Variants in RBMS3 observed in about 807,000 individuals in gnomAD.
RBMS3 encodes the protein RNA binding motif single stranded interacting protein 3, also known as RNA-binding motif, single-stranded-interacting protein 3.
In RBMS3, 27 loss-of-function variants were observed where a neutral mutation model predicts 66.8. The ratio of observed to expected loss-of-function variants is 0.40; its 90% CI spans 0.30 to 0.56. RBMS3 has a LOEUF of 0.56. Among genes scored for constraint, RBMS3 ranks in the 20% least tolerant of loss-of-function variants. The pLI, the probability that RBMS3 is intolerant of heterozygous loss-of-function variation, is 0.40. For missense variants in RBMS3, 513 were observed against 549.5 expected (o/e 0.93, Z 0.66); for synonymous variants, 188 against 183.0 (o/e 1.03, Z -0.22).
chr3:29,814,663 G>A (rs570330472), intron 6 of RBMS3, among the ~76,000 whole-genome samples: 223 of 152,286 alleles, frequency 1.5e-3, no homozygotes, highest in Admixed American at 2.7e-3. Context: ...TTCAGCTCCT[G>A]TTATTGGTCT....
At chr3:29,850,211 A>G (rs563759681) in intron 6 of RBMS3, among the ~76,000 whole-genome samples, 4 of 152,252 alleles carry the variant, frequency 2.6e-5, no homozygotes, top group Admixed American at 1.3e-4. Flanking sequence ...CAGAGAGAAA[A>G]GAGCTTATTA....
intron 5 of RBMS3, among the ~76,000 whole-genome samples, chr3:29,759,105 G>A (rs911719768): frequency 3.3e-5 from 5 of 152,080 alleles, no homozygotes; most frequent in African/African-American, 1.2e-4. Context: ...TGCATGTTAA[G>A]TCTGACCCAG....
intron 8 of RBMS3, among the ~76,000 whole-genome samples, chr3:29,884,933 T>C (rs974832355): frequency 2.6e-5 from 4 of 151,958 alleles, no homozygotes; most frequent in Non-Finnish European, 5.9e-5. Context: ...AGGCTTTCAG[T>C]TGTCTGTCTT....
chr3:29,809,335 TG>T lies in RBMS3; in HGVS notation c.637+46349del, dbSNP rs111676365. ...TTTTCATTGACAGCACTATGATCAG[TG>T]GGAAAAAAAAAAAAAGATCCTGTTA... On this transcript the variant is annotated intron_variant, in intron 6 of 14. Coordinates refer to ENST00000383767, the MANE Select transcript of RBMS3 (RefSeq NM_001003793.3). Among the ~76,000 whole-genome samples the T allele has an allele frequency of 7.1e-4, 77 of 108,706 alleles. 1 individual carries two copies. Among genetic ancestry groups the T allele is most frequent in the African/African-American group, 2.2e-3 (57 of 26,486 alleles). The allele number at this position is 108,706 out of a possible 152,430, so 71.3% of individuals were successfully genotyped here.
intron 14 of RBMS3, among the ~76,000 whole-genome samples, chr3:29,998,025 A>G (rs1299526208): frequency 7.9e-5 from 12 of 152,176 alleles, no homozygotes; most frequent in South Asian, 2.1e-4. Context: ...AAACCCCATC[A>G]TCTCAGCCCC....
intron 4 of RBMS3, chr3:29,698,700 C>A: frequency 1.4e-6 from 1 of 714,430 alleles, no homozygotes; most frequent in Non-Finnish European, 1.7e-6. Flanking sequence ...TGGAAAGACT[C>A]TGTGTGGACT....
chr3:29,981,161 T>C (rs1297118767), intron 12 of RBMS3, among the ~76,000 whole-genome samples: 1 of 152,172 alleles, frequency 6.6e-6, no homozygotes, highest in Non-Finnish European at 1.5e-5. Context: ...CCCTTGTCAG[T>C]TGTATTCCTA....
intron 6 of RBMS3, among the ~76,000 whole-genome samples, chr3:29,830,229 A>T (rs2058336009): frequency 6.6e-6 from 1 of 152,082 alleles, no homozygotes. Context: ...ATGTTTTCCT[A>T]CATTAAAAAT....
intron 6 of RBMS3, among the ~76,000 whole-genome samples, chr3:29,784,727 GATAA>G (rs1399874625): frequency 6.6e-6 from 1 of 151,742 alleles, no homozygotes; most frequent in African/African-American, 2.4e-5. Context: ...AATATAAAAA[GATAA>G]ATAAAACAAA....
chr3:29,523,983 T>C (rs866006689), intron 3 of RBMS3, among the ~76,000 whole-genome samples: 4 of 152,138 alleles, frequency 2.6e-5, no homozygotes, highest in Middle Eastern at 3.4e-3. Context: ...GCAATCCTTC[T>C]AGCTCAGCCT....
chr3:29,804,629 T>A (rs2057486421), intron 6 of RBMS3, among the ~76,000 whole-genome samples: 1 of 152,030 alleles, frequency 6.6e-6, no homozygotes, highest in Non-Finnish European at 1.5e-5. Flanking sequence ...GCTCTGTATG[T>A]TTTTAAAAAA....
chr3:29,901,984 T>A (rs1434243179), intron 10 of RBMS3, among the ~76,000 whole-genome samples: 1 of 151,784 alleles, frequency 6.6e-6, no homozygotes, highest in Non-Finnish European at 1.5e-5. Context: ...CAAAGTGAGG[T>A]TAAGTCACCC....
At chr3:29,383,158 A>G (rs1188873894) in intron 1 of RBMS3, among the ~76,000 whole-genome samples, 1 of 152,238 alleles carries the variant, frequency 6.6e-6, no homozygotes, top group African/African-American at 2.4e-5. Context: ...TTTTAAGGAC[A>G]CTACTTATAC....
chr3:29,328,930 A>G (rs1215847388), intron 1 of RBMS3, among the ~76,000 whole-genome samples: 1 of 152,190 alleles, frequency 6.6e-6, no homozygotes, highest in African/African-American at 2.4e-5. Context: ...TTTTTGAAAC[A>G]TGAAAGAGTG....
chr3:29,735,649 C>T (rs906961731), intron 4 of RBMS3, among the ~76,000 whole-genome samples: 24 of 152,204 alleles, frequency 1.6e-4, no homozygotes, highest in African/African-American at 3.9e-4. Context: ...AGCTTATTGA[C>T]GAATAGGCAA....
At chr3:29,837,938 T>A (rs1256894043) in intron 6 of RBMS3, among the ~76,000 whole-genome samples, 2 of 151,354 alleles carry the variant, frequency 1.3e-5, no homozygotes, top group Non-Finnish European at 2.9e-5. Context: ...TGTCGAATTG[T>A]CATTTTCTAA....
At chr3:29,599,657 A>C (rs986203936) in intron 4 of RBMS3, among the ~76,000 whole-genome samples, 7 of 152,228 alleles carry the variant, frequency 4.6e-5, no homozygotes, top group Admixed American at 3.3e-4. Flanking sequence ...ACTAAATTTA[A>C]AAATAAAAAT....
chr3:29,814,608 T>C (rs1175976521), intron 6 of RBMS3, among the ~76,000 whole-genome samples: 2 of 152,168 alleles, frequency 1.3e-5, no homozygotes, highest in African/African-American at 4.8e-5. Flanking sequence ...ATCCATCTGG[T>C]CCTGGACTCT....
chr3:29,598,726 G>A lies in RBMS3; in HGVS notation c.399+11521G>A, dbSNP rs184805475. 3.3e-3 allele frequency among the ~76,000 whole-genome samples: 498 copies of A among 151,818 alleles called. 1 individual carries two copies. The highest frequency in any genetic ancestry group is 0.012 in the African/African-American group (480 of 41,416). The stretch of plus-strand genomic sequence containing the variant: ...TCTCTTCTTCTGTCTCCCCACCTCC[G>A]TCTAAGAGCCATCAGATCAGAGTCT... On this transcript the variant is annotated intron_variant, in intron 4 of 14. Transcript: ENST00000383767.
Sources: allele counts gnomAD v4.1 joint callset (sites outside exome capture counted in the v4.1 genomes callset), GRCh38; gene constraint gnomAD v4.1.1; transcripts MANE v1.5; gene names NCBI Gene and HGNC (gene_info 2026-07-23, HGNC 2026-07-21).